The following SOHLH2 variants were observed in gnomAD, a reference collection of about 807,000 sequenced individuals.
SOHLH2 encodes the protein spermatogenesis- and oogenesis-specific basic helix-loop-helix-containing protein 2.
A neutral mutation model predicts 50.4 loss-of-function variants in SOHLH2; 22 were observed. The ratio of observed to expected loss-of-function variants is 0.44; its 90% CI spans 0.31 to 0.62. The LOEUF (loss-of-function observed/expected upper bound fraction) is 0.62, where lower values mean the gene tolerates loss of function less well. Among genes scored for constraint, SOHLH2 ranks in the 20% least tolerant of loss-of-function variants. The pLI, the probability that SOHLH2 is intolerant of heterozygous loss-of-function variation, is 0.08. For synonymous variants in SOHLH2, 185 were observed against 187.3 expected (o/e 0.99, Z 0.10); for missense variants, 412 against 504.4 (o/e 0.82, Z 1.76).
chr13:36,209,489 A>C (rs1009742118), intron 1 of SOHLH2, among the ~76,000 whole-genome samples: 1 of 152,176 alleles, frequency 6.6e-6, no homozygotes, highest in Non-Finnish European at 1.5e-5. Flanking sequence ...GTGATGGCAC[A>C]ATTTCTAGTT....
At chr13:36,212,586 C>T (rs1024680190) in intron 1 of SOHLH2, among the ~76,000 whole-genome samples, 1 of 152,202 alleles carries the variant, frequency 6.6e-6, no homozygotes, top group African/African-American at 2.4e-5. Flanking sequence ...AGATTTTCAC[C>T]TGCAAGCAGT....
At chr13:36,184,459 C>CT (rs764218457) in intron 6 of SOHLH2, among the ~76,000 whole-genome samples, 1,055 of 81,644 alleles carry the variant, frequency 0.013, 66 homozygotes, top group African/African-American at 0.016. Context: ...CCTACAAAGA[C>CT]CTTTTTTTTT....
chr13:36,203,218 T>C (rs943928262), intron 1 of SOHLH2, among the ~76,000 whole-genome samples: 26 of 152,224 alleles, frequency 1.7e-4, no homozygotes, highest in Non-Finnish European at 3.8e-4. Context: ...GATACACACA[T>C]ACATAGCTTT....
At position 36,214,444 on chromosome 13, in the gene SOHLH2, TA is replaced by T. The variant is rs751970519; in HGVS notation, c.48+34del. The T allele has an allele frequency of 1.0e-5, 16 of 1,606,180 alleles. No homozygotes were observed. In the East Asian group the frequency reaches 3.4e-4, roughly 34 times the overall value. On this transcript the variant is annotated intron_variant, in intron 1 of 10. Coordinates refer to ENST00000379881, the MANE Select transcript of SOHLH2 (RefSeq NM_017826.3). The stretch of plus-strand genomic sequence containing the variant: ...GACCTAGGGCCCGCCCGCGAGGTTA[TA>T]AACGCAGCTGCCTCCCCTTCCACAG...
At chr13:36,174,085 C>A (rs914310210) in intron 8 of SOHLH2, among the ~76,000 whole-genome samples, 1 of 152,178 alleles carries the variant, frequency 6.6e-6, no homozygotes, top group African/African-American at 2.4e-5. Flanking sequence ...GCACTAATGA[C>A]CTGCTTTAAG....
intron 1 of SOHLH2, among the ~76,000 whole-genome samples, chr13:36,214,065 A>C (rs1271150137): frequency 1.4e-5 from 2 of 147,812 alleles, no homozygotes; most frequent in Non-Finnish European, 3.0e-5. Context: ...TTTTAGTTGG[A>C]GAATTCACAT....
At chr13:36,209,310 A>G (rs1448406624) in intron 1 of SOHLH2, among the ~76,000 whole-genome samples, 1 of 152,108 alleles carries the variant, frequency 6.6e-6, no homozygotes. Context: ...CTACAGATAC[A>G]AATTCAAATT....
chr13:36,208,275 A>C (rs1285973109), intron 1 of SOHLH2, among the ~76,000 whole-genome samples: 1 of 152,020 alleles, frequency 6.6e-6, no homozygotes, highest in African/African-American at 2.4e-5. Context: ...TTCCATCTAC[A>C]TTTATGATTT....
intron 1 of SOHLH2, among the ~76,000 whole-genome samples, chr13:36,202,729 C>T (rs1423235705): frequency 6.6e-6 from 1 of 152,140 alleles, no homozygotes; most frequent in African/African-American, 2.4e-5. Context: ...ACTCAACCCA[C>T]TGAAAATGCC....
chr13:36,172,105 G>A (rs1886973741), intron 9 of SOHLH2, among the ~76,000 whole-genome samples: 1 of 152,118 alleles, frequency 6.6e-6, no homozygotes, highest in Non-Finnish European at 1.5e-5. Flanking sequence ...ACCTACCACA[G>A]GTCTATTCCT....
chr13:36,195,576 T>C (rs1469494016), intron 2 of SOHLH2, among the ~76,000 whole-genome samples: 4 of 152,060 alleles, frequency 2.6e-5, no homozygotes, highest in African/African-American at 9.7e-5. Flanking sequence ...TACATTTGCA[T>C]TTTAGAAAGA....
chr13:36,188,851 G>C (rs1887499107), intron 6 of SOHLH2, among the ~76,000 whole-genome samples: 1 of 152,050 alleles, frequency 6.6e-6, no homozygotes, highest in Non-Finnish European at 1.5e-5. Flanking sequence ...TATGTCCACT[G>C]CTTCAAAGAA....
chr13:36,192,757 G>A (rs779449841), intron 4 of SOHLH2, among the ~76,000 whole-genome samples: 13 of 152,128 alleles, frequency 8.5e-5, no homozygotes, highest in Non-Finnish European at 1.5e-4. Context: ...TATCTATCAC[G>A]TCACATCGTT....
rs537750240 is a variant in SOHLH2, at chr13:36,214,483, C to A, written c.44G>T (p.Gly15Val). ...TCCCCTTCCACAGCCTCTTACCTGG[C>A]CCGAGATCTGGCAGTGCTCCTGGCA... ...IICQEHCQIS[G>V]QAKIDILLVG... The change falls in exon 1 of 11, where the codon GGC (glycine) becomes GTC (valine). Residue 15 changes from glycine to valine, a missense_variant. Transcript: ENST00000379881. 3.8e-4 allele frequency: 619 copies of A among 1,612,924 alleles called. 8 individuals are homozygous for A. The South Asian group carries it at 6.0e-3, about 16-fold the overall frequency.
intron 6 of SOHLH2, among the ~76,000 whole-genome samples, chr13:36,177,867 T>C (rs1887135439): frequency 6.6e-6 from 1 of 152,092 alleles, no homozygotes; most frequent in Non-Finnish European, 1.5e-5. Flanking sequence ...GCGGCTTTCG[T>C]ATTTATTTTC....
intron 6 of SOHLH2, among the ~76,000 whole-genome samples, chr13:36,176,377 T>G (rs373705606): frequency 6.6e-6 from 1 of 152,116 alleles, no homozygotes; most frequent in Non-Finnish European, 1.5e-5. Flanking sequence ...TGTTCGAACA[T>G]AGAGAAAATT....
intron 1 of SOHLH2, among the ~76,000 whole-genome samples, chr13:36,207,862 T>C (rs1868871609): frequency 2.0e-5 from 3 of 152,198 alleles, no homozygotes. Context: ...TAGAATACCA[T>C]GGACATGAGC....
Position 36,191,850 on chromosome 13 carries a change from G to A in SOHLH2, c.475C>T (p.Leu159=), listed in dbSNP as rs1030632449. 2.5e-6 allele frequency: 4 copies of A among 1,613,902 alleles called. No homozygotes were observed. The highest frequency in any genetic ancestry group is 3.4e-6 in the Non-Finnish European group (4 of 1,179,914). Residue 159 remains leucine, a synonymous_variant, in exon 5 of 11, where the codon CTG becomes TTG. Coordinates refer to ENST00000379881, the MANE Select transcript of SOHLH2 (RefSeq NM_017826.3). ...ATGPEELGLP[L]QRSYSEHLGY... ...AGGTGTTCGCTGTAGGACCTCTGCA[G>A]GGGCAATCCAAGTTCTTCAGGCCCA...
intron 4 of SOHLH2, among the ~76,000 whole-genome samples, chr13:36,193,404 T>C (rs999998218): frequency 2.0e-5 from 3 of 152,198 alleles, no homozygotes; most frequent in African/African-American, 7.2e-5. Context: ...ACAATGCTGC[T>C]TCAACCCCCC....
Sources: allele counts gnomAD v4.1 joint callset (sites outside exome capture counted in the v4.1 genomes callset), GRCh38; gene constraint gnomAD v4.1.1; transcripts MANE v1.5; gene names NCBI Gene and HGNC (gene_info 2026-07-23, HGNC 2026-07-21).